Variants in PCDH9 observed in about 807,000 individuals in gnomAD.
PCDH9 encodes protocadherin-9.
PCDH9 carries 24 observed loss-of-function variants against 70.6 expected under a neutral mutation model. The ratio of observed to expected loss-of-function variants is 0.34; its 90% CI spans 0.25 to 0.48. The LOEUF is 0.48. Ranked by LOEUF, PCDH9 falls within the 20% of genes least tolerant of loss-of-function variation. The pLI is 0.99. For missense variants in PCDH9, 1,281 were observed against 1,503.6 expected (o/e 0.85, Z 2.45); for synonymous variants, 562 against 558.5 (o/e 1.01, Z -0.09).
At chr13:66,592,324 A>G (rs1261211157) in intron 4 of PCDH9, among the ~76,000 whole-genome samples, 3 of 151,646 alleles carry the variant, frequency 2.0e-5, no homozygotes, top group Non-Finnish European at 4.4e-5. Context: ...CAAGCTTCCA[A>G]TGATGGGGGG....
chr13:66,763,865 C>T (rs1180190715), intron 3 of PCDH9, among the ~76,000 whole-genome samples: 1 of 152,030 alleles, frequency 6.6e-6, no homozygotes, highest in African/African-American at 2.4e-5. Flanking sequence ...GTGGCACAAT[C>T]TCAGCTCACT....
intron 2 of PCDH9, among the ~76,000 whole-genome samples, chr13:66,957,605 T>C (rs2083283859): frequency 6.6e-6 from 1 of 152,102 alleles, no homozygotes; most frequent in Non-Finnish European, 1.5e-5. Flanking sequence ...TAATTAGGTT[T>C]AGATGAGGTC....
Position 66,750,402 on chromosome 13 carries a change from C to T in PCDH9, c.3139-118991G>A, listed in dbSNP as rs7999850. On this transcript the variant is annotated intron_variant, in intron 3 of 4. Transcript: ENST00000377865. ...TTCTCCAAGTAAGCAACACAGCCTC[C>T]CTTGGTTGAAGGTGTTTTGACTTTC... Among the ~76,000 whole-genome samples the T allele has an allele frequency of 8.3e-3, 1,256 of 151,494 alleles. 16 individuals carry two copies. Among genetic ancestry groups the T allele is most frequent in the African/African-American group, 0.029 (1,178 of 41,252 alleles).
intron 4 of PCDH9, among the ~76,000 whole-genome samples, chr13:66,552,807 G>T (rs1961548441): frequency 6.6e-6 from 1 of 152,094 alleles, no homozygotes; most frequent in Admixed American, 6.6e-5. Flanking sequence ...TGCTAATAAA[G>T]ATATACCCAA....
At chr13:66,884,343 A>G (rs1374125929) in intron 3 of PCDH9, among the ~76,000 whole-genome samples, 2 of 152,044 alleles carry the variant, frequency 1.3e-5, no homozygotes, top group African/African-American at 4.8e-5. Flanking sequence ...TAGCATCTGC[A>G]ATATAGTAAT....
At chr13:67,058,242 G>A (rs1306930746) in intron 2 of PCDH9, among the ~76,000 whole-genome samples, 4 of 151,936 alleles carry the variant, frequency 2.6e-5, no homozygotes, top group East Asian at 1.9e-4. Context: ...ATGTGTATAC[G>A]TCCACACACA....
intron 3 of PCDH9, among the ~76,000 whole-genome samples, chr13:66,894,536 C>G (rs945072420): frequency 6.6e-6 from 1 of 152,080 alleles, no homozygotes. Context: ...TATATCCAGA[C>G]TTTTAGATAC....
chr13:67,181,283 T>C (rs539472261), intron 2 of PCDH9, among the ~76,000 whole-genome samples: 1 of 152,292 alleles, frequency 6.6e-6, no homozygotes, highest in Non-Finnish European at 1.5e-5. Flanking sequence ...TTTTCAACTT[T>C]CTACTTAAAG....
intron 4 of PCDH9, among the ~76,000 whole-genome samples, chr13:66,525,964 C>A (rs1046031640): frequency 1.3e-5 from 2 of 152,082 alleles, no homozygotes; most frequent in African/African-American, 4.8e-5. Context: ...ATACTCTGTA[C>A]AGCTGTTCCC....
At chr13:66,824,952 G>T (rs2080792188) in intron 3 of PCDH9, among the ~76,000 whole-genome samples, 1 of 151,520 alleles carries the variant, frequency 6.6e-6, no homozygotes, top group African/African-American at 2.4e-5. Context: ...AAGCTGCAGG[G>T]TATTTCTCTT....
intron 2 of PCDH9, among the ~76,000 whole-genome samples, chr13:67,085,016 A>ATATATATATG (rs2086077498): frequency 7.7e-6 from 1 of 130,202 alleles, no homozygotes; most frequent in Non-Finnish European, 1.6e-5. Context: ...ATATATATAT[A>ATATATATATG]TATATATGTA....
At chr13:66,604,482 ATGTT>A (rs982631272) in intron 4 of PCDH9, among the ~76,000 whole-genome samples, 1 of 152,030 alleles carries the variant, frequency 6.6e-6, no homozygotes, top group African/African-American at 2.4e-5. Flanking sequence ...AATTAAACCT[ATGTT>A]TGTGATTTCA....
At chr13:66,934,707 G>C (rs1234593633) in intron 2 of PCDH9, among the ~76,000 whole-genome samples, 4 of 86,538 alleles carry the variant, frequency 4.6e-5, no homozygotes, top group Non-Finnish European at 9.9e-5. Flanking sequence ...CCATGTGTTT[G>C]CTTTTTTTTT....
At chr13:66,351,692 C>T (rs1422836592) in intron 4 of PCDH9, among the ~76,000 whole-genome samples, 2 of 152,072 alleles carry the variant, frequency 1.3e-5, no homozygotes, top group African/African-American at 4.8e-5. Context: ...AAGAGACTGA[C>T]ATGCCCAAAA....
chr13:66,641,386 T>C (rs1451456691), intron 3 of PCDH9, among the ~76,000 whole-genome samples: 3 of 152,204 alleles, frequency 2.0e-5, no homozygotes, highest in Admixed American at 6.5e-5. Flanking sequence ...AGTAGGTTAA[T>C]GGGAGGATTA....
chr13:66,433,749 A>C (rs1042700346), intron 4 of PCDH9, among the ~76,000 whole-genome samples: 10 of 151,854 alleles, frequency 6.6e-5, no homozygotes, highest in African/African-American at 2.4e-4. Flanking sequence ...GATTACTCTT[A>C]CTTAAGTTAG....
At chr13:66,950,295 C>A (rs1170370432) in intron 2 of PCDH9, among the ~76,000 whole-genome samples, 1 of 152,082 alleles carries the variant, frequency 6.6e-6, no homozygotes, top group African/African-American at 2.4e-5. Context: ...ATATTTGAAT[C>A]CAGATTCTGC....
At chr13:66,892,253 TAC>T (rs1031970681) in intron 3 of PCDH9, among the ~76,000 whole-genome samples, 6 of 148,504 alleles carry the variant, frequency 4.0e-5, no homozygotes, top group East Asian at 2.0e-4. Flanking sequence ...TATATATATA[TAC>T]ACACACACGT....
intron 4 of PCDH9, among the ~76,000 whole-genome samples, chr13:66,438,500 A>T (rs1405089705): frequency 6.6e-6 from 1 of 152,142 alleles, no homozygotes; most frequent in African/African-American, 2.4e-5. Context: ...TTCTAGGGAA[A>T]ATGGCAGAGA....
Sources: gnomAD v4.1 joint callset for allele counts (sites outside exome capture counted in the v4.1 genomes callset) on GRCh38, gnomAD v4.1.1 for gene constraint, MANE v1.5 for transcripts, NCBI Gene and HGNC (gene_info 2026-07-23, HGNC 2026-07-21) for gene names.